The following STK3 variants were observed in gnomAD, a reference collection of about 807,000 sequenced individuals.
STK3 encodes serine/threonine kinase 3.
Under a neutral mutation model 58.0 loss-of-function variants are expected in STK3, and 41 were observed. The observed-to-expected ratio is 0.71, with a 90% CI of 0.55 to 0.92. STK3 has a LOEUF of 0.92. Ranked by LOEUF, STK3 falls within the 40% of genes least tolerant of loss-of-function variation. The pLI is 0.00. For synonymous variants in STK3, 170 were observed against 191.0 expected, an observed-to-expected ratio of 0.89 and a Z score of 0.91; for missense variants, 479 against 602.7, an observed-to-expected ratio of 0.79 and a Z score of 2.15.
At chr8:98,690,891 G>T (rs2130947075) in intron 6 of STK3, among the ~76,000 whole-genome samples, 1 of 152,172 alleles carries the variant, frequency 6.6e-6, no homozygotes, top group East Asian at 1.9e-4. Flanking sequence ...AAAAATAATG[G>T]GATCATGTCC....
At chr8:98,893,523 AG>A (rs1838331703) in intron 1 of STK3, among the ~76,000 whole-genome samples, 1 of 150,614 alleles carries the variant, frequency 6.6e-6, no homozygotes, top group South Asian at 2.1e-4. Context: ...AAAGAAAGAA[AG>A]AAAGAAAGAA....
intron 10 of STK3, among the ~76,000 whole-genome samples, chr8:98,477,702 C>CGGGGGGG (rs1286720911): frequency 0.019 from 43 of 2,270 alleles, 3 homozygotes; most frequent in South Asian, 0.05. Context: ...TCACACTTGG[C>CGGGGGGG]GGGGGGGGGG....
the STK3 span, among the ~76,000 whole-genome samples, chr8:98,350,282 G>A: frequency 2.0e-5 from 3 of 152,264 alleles, no homozygotes; most frequent in African/African-American, 7.2e-5. Context: ...CTTTGCTCCA[G>A]TTCCCAACAA....
In STK3 at chr8:98,394,600, T is replaced by A. The variant is rs547525674; in HGVS notation, n.428-6353A>T. On this transcript the variant is annotated intron_variant and non_coding_transcript_variant, in intron 3 of 5. Transcript: ENST00000649151. Reference sequence around the variant, plus strand: ...GAATTCTTCCAAATAGTGAAAAAAATATTGGTAGATTGTGTTTACTTTATT... The same window carrying A: ...GAATTCTTCCAAATAGTGAAAAAAAAATTGGTAGATTGTGTTTACTTTATT... 4.1e-3 allele frequency among the ~76,000 whole-genome samples: 629 copies of A among 152,306 alleles called. 5 individuals carry two copies. The highest frequency in any genetic ancestry group is 5.5e-3 in the Non-Finnish European group (372 of 68,016).
intron 6 of STK3, among the ~76,000 whole-genome samples, chr8:98,697,262 G>C (rs190594217): frequency 6.6e-6 from 1 of 151,890 alleles, no homozygotes; most frequent in Admixed American, 6.6e-5. Context: ...TTCTTTATTA[G>C]TCTTGCTAGC....
intron 3 of STK3, among the ~76,000 whole-genome samples, chr8:98,402,854 C>T (rs1817957384): frequency 6.6e-6 from 1 of 152,162 alleles, no homozygotes; most frequent in Non-Finnish European, 1.5e-5. Flanking sequence ...AAGCAGAGCC[C>T]CAGGGGACTA....
the STK3 span, among the ~76,000 whole-genome samples, chr8:98,356,106 A>T: frequency 1.3e-5 from 2 of 152,242 alleles, no homozygotes; most frequent in Non-Finnish European, 2.9e-5. Flanking sequence ...GATACCATGC[A>T]GATTGGGCTG....
chr8:98,724,050 G>C (rs1751898287), intron 4 of STK3, among the ~76,000 whole-genome samples: 1 of 152,144 alleles, frequency 6.6e-6, no homozygotes, highest in Non-Finnish European at 1.5e-5. Context: ...AGGATTTACT[G>C]AAAGTCTGTT....
At chr8:98,524,149 A>G (rs1825580791) in intron 10 of STK3, among the ~76,000 whole-genome samples, 1 of 152,242 alleles carries the variant, frequency 6.6e-6, no homozygotes. Flanking sequence ...ATCCTTGCCG[A>G]AAATCATTTG....
intron 1 of STK3, among the ~76,000 whole-genome samples, chr8:98,887,720 A>G (rs1374364394): frequency 6.6e-6 from 1 of 152,228 alleles, no homozygotes; most frequent in African/African-American, 2.4e-5. Context: ...ATAACTATTT[A>G]TAGTAGGTTT....
At chr8:98,768,596 T>C (rs1831094464) in intron 2 of STK3, among the ~76,000 whole-genome samples, 1 of 152,154 alleles carries the variant, frequency 6.6e-6, no homozygotes, top group Non-Finnish European at 1.5e-5. Flanking sequence ...TGTGTGTATG[T>C]GTGTATATTC....
intron 1 of STK3, among the ~76,000 whole-genome samples, chr8:98,908,467 C>T (rs1838998752): frequency 6.6e-6 from 1 of 152,190 alleles, no homozygotes; most frequent in Non-Finnish European, 1.5e-5. Flanking sequence ...GTGGGAGGAT[C>T]ACTTGAGCTC....
At chr8:98,433,793 A>G (rs777478885) in intron 3 of STK3, among the ~76,000 whole-genome samples, 19 of 152,212 alleles carry the variant, frequency 1.2e-4, no homozygotes, top group Admixed American at 5.2e-4. Flanking sequence ...GCTACAATAG[A>G]CGACAGTTGC....
At chr8:98,634,825 C>T (rs1819510966) in intron 6 of STK3, among the ~76,000 whole-genome samples, 1 of 152,070 alleles carries the variant, frequency 6.6e-6, no homozygotes, top group South Asian at 2.1e-4. Context: ...CATATAAAAG[C>T]AGTTCACTGG....
intron 10 of STK3, among the ~76,000 whole-genome samples, chr8:98,523,882 ATTTT>A (rs1825560883): frequency 6.6e-6 from 1 of 152,082 alleles, no homozygotes; most frequent in Non-Finnish European, 1.5e-5. Context: ...CAATTTATCT[ATTTT>A]TTGTTACTTG....
intron 3 of STK3, among the ~76,000 whole-genome samples, chr8:98,866,795 C>T (rs1837162596): frequency 1.3e-5 from 2 of 152,174 alleles, no homozygotes; most frequent in Non-Finnish European, 2.9e-5. Flanking sequence ...ACCAATCCTC[C>T]TACCGGTAGC....
chr8:98,862,122 G>T (rs891854914), intron 3 of STK3, among the ~76,000 whole-genome samples: 1 of 152,196 alleles, frequency 6.6e-6, no homozygotes, highest in Admixed American at 6.5e-5. Context: ...GCAGAAAGAA[G>T]ATGAGATCAT....
intron 1 of STK3, chr8:98,437,404 C>T (rs1818530238): frequency 6.6e-6 from 1 of 152,300 alleles, no homozygotes; most frequent in Admixed American, 6.5e-5. Context: ...CTATTGGCCT[C>T]CCACAGCAGC....
At chr8:98,936,396 A>G (rs1187580602) in intron 1 of STK3, among the ~76,000 whole-genome samples, 1 of 152,162 alleles carries the variant, frequency 6.6e-6, no homozygotes, top group Admixed American at 6.5e-5. Flanking sequence ...TTCCCAGTAG[A>G]CCATAGCTCC....
Sources: gnomAD v4.1 joint callset for allele counts (sites outside exome capture counted in the v4.1 genomes callset) on GRCh38, gnomAD v4.1.1 for gene constraint, MANE v1.5 for transcripts, NCBI Gene and HGNC (gene_info 2026-07-23, HGNC 2026-07-21) for gene names.